The following INPP4B variants were observed in gnomAD, a reference collection of about 807,000 sequenced individuals.
The protein encoded by INPP4B is inositol polyphosphate 4-phosphatase type II.
INPP4B carries 55 observed loss-of-function variants against 122.5 expected under a neutral mutation model. The ratio of observed to expected loss-of-function variants is 0.45; its 90% confidence interval spans 0.36 to 0.56. The LOEUF (loss-of-function observed/expected upper bound fraction) is 0.56, where lower values mean the gene tolerates loss of function less well. Among genes scored for constraint, INPP4B ranks in the 20% least tolerant of loss-of-function variants. The pLI is 0.00. For missense variants in INPP4B, 1,000 were observed against 1,097.7 expected (o/e 0.91, Z 1.26); for synonymous variants, 403 against 388.7 (o/e 1.04, Z -0.43).
chr4:142,738,317 C>G (rs1003793499), intron 1 of INPP4B, among the ~76,000 whole-genome samples: 17 of 152,148 alleles, frequency 1.1e-4, no homozygotes, highest in Non-Finnish European at 2.4e-4. Context: ...TAGGGACATG[C>G]ATGAAGCTGG....
chr4:142,318,130 G>C (rs1010204109), intron 7 of INPP4B, among the ~76,000 whole-genome samples: 4 of 152,144 alleles, frequency 2.6e-5, no homozygotes, highest in African/African-American at 9.7e-5. Context: ...GGGGACAATA[G>C]ACCCTACAGA....
intron 2 of INPP4B, among the ~76,000 whole-genome samples, chr4:142,628,404 A>T: frequency 1.0e-5 from 1 of 100,114 alleles, no homozygotes. Flanking sequence ...CACTCTGGGG[A>T]CTGTTGTGGG....
At position 142,428,074 on chromosome 4, in the gene INPP4B, TA is replaced by T. The variant is rs531573786; in HGVS notation, c.136+1098del. 5.3e-3 allele frequency among the ~76,000 whole-genome samples: 812 copies of T among 151,888 alleles called. 9 individuals are homozygous for T. The highest frequency in any genetic ancestry group is 0.019 in the African/African-American group (772 of 41,490). On this transcript the variant is annotated intron_variant, in intron 5 of 25. Transcript: ENST00000262992. ...TAATTTATAGCACAATTTTTAGCTA[TA>T]TTTTTTAAAAATAATGTTCAAAAAA...
At chr4:142,300,922 G>A (rs1761140993) in intron 9 of INPP4B, among the ~76,000 whole-genome samples, 1 of 152,082 alleles carries the variant, frequency 6.6e-6, no homozygotes, top group Non-Finnish European at 1.5e-5. Flanking sequence ...CATTCACCCT[G>A]ATAAAATGAT....
At chr4:142,258,563 C>G (rs1317287517) in intron 11 of INPP4B, among the ~76,000 whole-genome samples, 1 of 152,148 alleles carries the variant, frequency 6.6e-6, no homozygotes, top group African/African-American at 2.4e-5. Context: ...AGACGCTTCT[C>G]AAAAGAAGAC....
chr4:142,394,133 G>C (rs770030833), intron 7 of INPP4B, among the ~76,000 whole-genome samples: 4 of 151,824 alleles, frequency 2.6e-5, no homozygotes, highest in Non-Finnish European at 4.4e-5. Context: ...TTTCTGTTTT[G>C]TGTGGTTTTT....
At chr4:142,699,474 G>A (rs1461469969) in intron 2 of INPP4B, among the ~76,000 whole-genome samples, 6 of 152,106 alleles carry the variant, frequency 3.9e-5, no homozygotes, top group African/African-American at 1.4e-4. Context: ...GTAAATCACA[G>A]AGCTCCACCT....
intron 3 of INPP4B, among the ~76,000 whole-genome samples, chr4:142,458,750 T>A (rs1580119057): frequency 6.6e-6 from 1 of 152,198 alleles, no homozygotes; most frequent in Middle Eastern, 3.4e-3. Context: ...TGAATACACA[T>A]CAATAAAAAT....
intron 2 of INPP4B, among the ~76,000 whole-genome samples, chr4:142,703,105 T>C (rs1272602835): frequency 2.0e-5 from 3 of 152,072 alleles, no homozygotes; most frequent in Admixed American, 6.6e-5. Context: ...AAGGAAGAGA[T>C]TGTGAAAAAA....
At chr4:142,437,979 C>A (rs1449228483) in intron 3 of INPP4B, among the ~76,000 whole-genome samples, 1 of 152,018 alleles carries the variant, frequency 6.6e-6, no homozygotes, top group African/African-American at 2.4e-5. Context: ...CCTTCTCAAG[C>A]TATTTTAAAC....
At chr4:142,310,227 T>C (rs533174562) in intron 8 of INPP4B, among the ~76,000 whole-genome samples, 4 of 152,274 alleles carry the variant, frequency 2.6e-5, no homozygotes, top group Non-Finnish European at 5.9e-5. Context: ...CTTTAGCATG[T>C]AAAATGTGGC....
chr4:142,116,697 A>C (rs2203056), intron 21 of INPP4B, among the ~76,000 whole-genome samples: 141,331 of 152,152 alleles, frequency 0.93, 66,559 homozygotes, highest in East Asian at 1. Context: ...CAAATGCCCA[A>C]AAGAGAAAGC....
chr4:142,641,998 T>C (rs1580594697), intron 2 of INPP4B, among the ~76,000 whole-genome samples: 1 of 152,378 alleles, frequency 6.6e-6, no homozygotes, highest in African/African-American at 2.4e-5. Flanking sequence ...TGGTTTGATT[T>C]GCATTTCTCT....
At chr4:142,730,394 A>G (rs181155951) in intron 1 of INPP4B, among the ~76,000 whole-genome samples, 13 of 152,322 alleles carry the variant, frequency 8.5e-5, no homozygotes, top group Admixed American at 8.5e-4. Flanking sequence ...AAGGTGTCCT[A>G]TACATTCCAT....
intron 2 of INPP4B, among the ~76,000 whole-genome samples, chr4:142,501,253 C>A (rs1463138726): frequency 6.6e-6 from 1 of 152,128 alleles, no homozygotes; most frequent in Non-Finnish European, 1.5e-5. Context: ...GCGCCCTTAA[C>A]CCTTTGTGAA....
chr4:142,830,159 A>G (rs1781948247), intron 1 of INPP4B, among the ~76,000 whole-genome samples: 1 of 152,224 alleles, frequency 6.6e-6, no homozygotes, highest in Admixed American at 6.5e-5. Context: ...AGATACATGT[A>G]TCTACACATA....
At chr4:142,784,377 A>AAATT (rs1341904161) in intron 1 of INPP4B, among the ~76,000 whole-genome samples, 8 of 139,800 alleles carry the variant, frequency 5.7e-5, no homozygotes, top group African/African-American at 2.4e-4. Context: ...ATAAATAAAT[A>AAATT]AATAAATAAA....
chr4:142,096,942 C>T (rs1212262123), intron 23 of INPP4B, among the ~76,000 whole-genome samples: 2 of 151,952 alleles, frequency 1.3e-5, no homozygotes, highest in African/African-American at 4.8e-5. Context: ...TGTGAATGAC[C>T]CCAAGTCCCT....
At chr4:142,522,975 G>C (rs1826301050) in intron 2 of INPP4B, among the ~76,000 whole-genome samples, 1 of 152,114 alleles carries the variant, frequency 6.6e-6, no homozygotes, top group African/African-American at 2.4e-5. Flanking sequence ...TGTCTGATTA[G>C]TAGCTGTGAG....
Sources: allele counts gnomAD v4.1 joint callset (sites outside exome capture counted in the v4.1 genomes callset), GRCh38; gene constraint gnomAD v4.1.1; transcripts MANE v1.5; gene names NCBI Gene and HGNC (gene_info 2026-07-23, HGNC 2026-07-21).